Variants in TBX18 observed in about 807,000 individuals in gnomAD.
The protein encoded by TBX18 is T-box transcription factor TBX18.
Under a neutral mutation model 55.0 loss-of-function variants are expected in TBX18, and 21 were observed. The observed-to-expected ratio is 0.38, with a 90% confidence interval of 0.27 to 0.55. The LOEUF (loss-of-function observed/expected upper bound fraction) is 0.55, where lower values mean the gene tolerates loss of function less well. Ranked by LOEUF, TBX18 falls within the 20% of genes least tolerant of loss-of-function variation. TBX18 has a pLI of 0.73. For synonymous variants in TBX18, 342 were observed against 326.1 expected, an observed-to-expected ratio of 1.05 and a Z score of -0.53; for missense variants, 840 against 799.6, an observed-to-expected ratio of 1.05 and a Z score of -0.61.
chr6:84,748,016 AAGAT>A lies in TBX18; in HGVS notation c.839_842del (p.Asp280ValfsTer13). 1 of 1,613,552 alleles carries A rather than the reference AAGAT, an allele frequency of 6.2e-7. No homozygotes were observed. Among genetic ancestry groups the A allele is most frequent in the Non-Finnish European group, 8.5e-7 (1 of 1,179,568 alleles). On this transcript the variant is annotated frameshift_variant, in exon 5 of 8. Transcript: ENST00000369663. LOFTEE classifies it high-confidence loss of function. The stretch of plus-strand genomic sequence containing the variant: ...CGGATGGAACAGGCTTGATGGGAGA[AAGAT>A]CGTCTCCACAGTCTTTACGGATGAC...
At chr6:84,762,809 G>C (rs1767692027) in intron 1 of TBX18, 61 bp from the exon 2 acceptor site, 1 of 1,505,938 alleles carries the variant, frequency 6.6e-7, no homozygotes, top group East Asian at 2.5e-5. Flanking sequence ...AGCCAGCCGC[G>C]GAGACGGGCC....
rs767464678 is a variant in TBX18 at position 84,756,825 on chromosome 6, T to A, written c.644A>T (p.Asp215Val). 4 of 1,613,946 alleles carry A rather than the reference T, an allele frequency of 2.5e-6. No homozygotes were observed. Among genetic ancestry groups the A allele is most frequent in the Non-Finnish European group, 3.4e-6 (4 of 1,179,966 alleles). Reference protein sequence around the residue: ...SSKWMVAGNADSPVPPRVYIH... With the variant: ...SSKWMVAGNAVSPVPPRVYIH... ...GTACACACGGGGTGGCACAGGCGAG[T>A]CAGCATTACCTGCCACCATCCATTT... The change falls in exon 4 of 8, where the codon GAC (aspartate) becomes GTC (valine). Residue 215 changes from aspartate (D) to valine (V), a missense_variant. Asp to Val is a radical substitution (Grantham distance 152, BLOSUM62 -3). Coordinates refer to ENST00000369663, the MANE Select transcript of TBX18 (RefSeq NM_001080508.3).
intron 1 of TBX18, chr6:84,763,606 C>G (rs910947261): frequency 2.0e-5 from 13 of 646,104 alleles, no homozygotes; most frequent in Admixed American, 1.2e-4. Context: ...GAGGCAGATG[C>G]AGGAAGCACA....
Position 84,733,819 on chromosome 6 carries a change from T to A in TBX18, c.*2866A>T, listed in dbSNP as rs1439386621. The stretch of plus-strand genomic sequence containing the variant: ...GCTATTTACATTTTAAAAGTGAGAT[T>A]CTTTTTCCTCAAAATTTTGCTAATT... On this transcript the variant is annotated 3_prime_UTR_variant, in exon 8 of 8. Coordinates refer to ENST00000369663, the MANE Select transcript of TBX18 (RefSeq NM_001080508.3). 6.6e-6 allele frequency: 1 copy of A among 152,226 alleles called. No individual in the cohort carries two copies. The highest frequency in any genetic ancestry group is 1.9e-4 in the East Asian group (1 of 5,200). The allele number at this position is 152,226 out of a possible 1,614,324, so 9.4% of individuals were successfully genotyped here. A position where few individuals can be genotyped will look rare whatever the true frequency, so the allele number is the denominator to read the frequency against.
intron 4 of TBX18, among the ~76,000 whole-genome samples, chr6:84,749,611 G>A (rs1051073527): frequency 1.3e-5 from 2 of 151,858 alleles, no homozygotes; most frequent in African/African-American, 4.8e-5. Context: ...GACAACAGGG[G>A]AAAACAGCCC....
intron 4 of TBX18, among the ~76,000 whole-genome samples, chr6:84,748,685 G>A (rs1219636857): frequency 6.6e-6 from 1 of 152,188 alleles, no homozygotes; most frequent in Admixed American, 6.5e-5. Context: ...AGACTGCAGA[G>A]AACAGAAAAG....
At chr6:84,743,434 C>T (rs1168303053) in intron 6 of TBX18, among the ~76,000 whole-genome samples, 1 of 152,168 alleles carries the variant, frequency 6.6e-6, no homozygotes, top group African/African-American at 2.4e-5. Flanking sequence ...AGAATAATTT[C>T]ATGAGTAAAG....
intron 3 of TBX18, among the ~76,000 whole-genome samples, chr6:84,757,998 C>T (rs1020298906): frequency 2.0e-5 from 3 of 152,024 alleles, no homozygotes; most frequent in African/African-American, 7.2e-5. Context: ...CTGATGAGGC[C>T]CTTTGTTTCA....
intron 6 of TBX18, chr6:84,742,018 T>C (rs1252176094): frequency 1.3e-5 from 2 of 152,120 alleles, no homozygotes; most frequent in African/African-American, 4.8e-5. Flanking sequence ...ATATTTAGCA[T>C]TCCAAAGTGA....
intron 4 of TBX18, among the ~76,000 whole-genome samples, chr6:84,756,125 T>C (rs1239808616): frequency 2.6e-5 from 4 of 152,364 alleles, no homozygotes; most frequent in South Asian, 4.1e-4. Context: ...ACTAAGGTGT[T>C]AAAAATGACT....
At chr6:84,740,906 T>C (rs1022158069) in intron 6 of TBX18, among the ~76,000 whole-genome samples, 2 of 152,236 alleles carry the variant, frequency 1.3e-5, no homozygotes, top group African/African-American at 4.8e-5. Flanking sequence ...TTATTTGCTT[T>C]AGCAGTGTAA....
intron 7 of TBX18, 44 bp downstream of exon 7, chr6:84,738,453 C>A: frequency 6.8e-7 from 1 of 1,465,774 alleles, no homozygotes; most frequent in East Asian, 2.3e-5. Context: ...AGTTTCTAGG[C>A]AGGAACGGGC....
At chr6:84,760,495 T>C (rs1767620639) in intron 2 of TBX18, 139 bp from the exon 3 acceptor site, 5 of 551,548 alleles carry the variant, frequency 9.1e-6, no homozygotes, top group African/African-American at 1.9e-5. Context: ...CCAATGTAAT[T>C]CAAGGAGTCA....
At position 84,737,086 on chromosome 6, in the gene TBX18, C is replaced by T; in HGVS notation, c.1423G>A (p.Gly475Arg). The T allele has an allele frequency of 1.2e-6, 2 of 1,614,148 alleles. No homozygotes were observed. The highest frequency in any genetic ancestry group is 1.7e-6 in the Non-Finnish European group (2 of 1,180,028). The change falls in exon 8 of 8, where the codon GGG becomes AGG. Residue 475 changes from glycine (G) to arginine (R), a missense_variant. Gly to Arg is a moderately radical substitution (Grantham distance 125, BLOSUM62 -2). Transcript: ENST00000369663. The stretch of plus-strand genomic sequence containing the variant: ...GTCTGTGGGCAGCTGAAGGTGTCCC[C>T]ATCAGTGCCACCCATGGACATGTTC... ...SVNMSMGGTD[G>R]DTFSCPQTSL...
intron 6 of TBX18, among the ~76,000 whole-genome samples, 167 bp downstream of exon 6, chr6:84,744,094 A>T (rs983033838): frequency 6.6e-6 from 1 of 152,200 alleles, no homozygotes; most frequent in Admixed American, 6.5e-5. Flanking sequence ...AGGGTAGGTG[A>T]CACCATTACA....
intron 6 of TBX18, chr6:84,742,194 A>G (rs1184926203): frequency 6.6e-6 from 1 of 152,206 alleles, no homozygotes; most frequent in Non-Finnish European, 1.5e-5. Context: ...TTTAAATTTT[A>G]ACAAAATCTT....
intron 4 of TBX18, among the ~76,000 whole-genome samples, chr6:84,750,640 G>A (rs772965334): frequency 1.3e-5 from 2 of 152,104 alleles, no homozygotes; most frequent in African/African-American, 2.4e-5. Context: ...TGGGTCCCTT[G>A]GCCCATGCTC....
chr6:84,747,923 C>T lies in TBX18; in HGVS notation c.936G>A (p.Gln312=), dbSNP rs983911586. ...ATTCCAATTCTGAGAACAATACCTGCTGATTCTGATAGGCAGTGACGGTTG... is the reference window on the plus strand; with the variant it reads ...ATTCCAATTCTGAGAACAATACCTGTTGATTCTGATAGGCAGTGACGGTTG... ...VFTTVTAYQN[Q]QITRLKIDRN... is the part of the protein sequence containing the mutation. Residue 312 remains glutamine (Q), a synonymous_variant, in exon 5 of 8, where the codon CAG becomes CAA. Transcript: ENST00000369663. 4 of 1,610,826 alleles carry T rather than the reference C, an allele frequency of 2.5e-6. No homozygotes were observed. In the African/African-American group the frequency reaches 5.3e-5, roughly 22 times the overall value.
intron 4 of TBX18, among the ~76,000 whole-genome samples, chr6:84,751,281 G>T (rs1410564487): frequency 2.0e-5 from 3 of 152,144 alleles, no homozygotes; most frequent in Non-Finnish European, 4.4e-5. Flanking sequence ...CTCTCAAGGA[G>T]ATTTCTCCAT....
Sources: allele counts gnomAD v4.1 joint callset (sites outside exome capture counted in the v4.1 genomes callset), GRCh38; gene constraint gnomAD v4.1.1; transcripts MANE v1.5; gene names NCBI Gene and HGNC (gene_info 2026-07-23, HGNC 2026-07-21).